Variants in WNT8A observed in about 807,000 individuals in gnomAD.
WNT8A encodes Wnt family member 8A.
A neutral mutation model predicts 20.5 loss-of-function variants in WNT8A; 14 were observed. That is an observed-to-expected ratio of 0.68 (90% CI 0.45 to 1.07). The LOEUF (loss-of-function observed/expected upper bound fraction) is 1.07, where lower values mean the gene tolerates loss of function less well. Among genes scored for constraint, WNT8A ranks in the 50% least tolerant of loss-of-function variants. The probability of loss-of-function intolerance (pLI) is 0.00; values close to 1 mark genes in which losing one functional copy is unlikely to be tolerated. For synonymous variants in WNT8A, 167 were observed against 169.2 expected, an observed-to-expected ratio of 0.99 and a Z score of 0.10; for missense variants, 397 against 462.9, an observed-to-expected ratio of 0.86 and a Z score of 1.31.
rs745963057 is a variant in WNT8A, at chr5:138,090,876, C to T, written c.913C>T (p.Arg305Ter). 3.1e-6 allele frequency: 5 copies of T among 1,614,134 alleles called. No homozygotes were observed. Among genetic ancestry groups the T allele is most frequent in the South Asian group, 1.1e-5 (1 of 91,076 alleles). ...QNSHNTSRWE[R>*]RSCGRLCTEC... ...CAGCCACAACACATCCAGGTGGGAG[C>T]GACGTAGCTGTGGGCGCCTGTGCAC... The change falls in exon 5 of 5, where the codon CGA becomes TGA. Residue 305 changes from arginine (R) to a stop codon, truncating the protein, a stop_gained. Coordinates refer to ENST00000506684, the MANE Select transcript of WNT8A (RefSeq NM_001300939.2). LOFTEE classifies it low-confidence loss of function (END_TRUNC).
chr5:138,082,212 A>C (rs904142153), upstream of WNT8A, among the ~76,000 whole-genome samples: 3 of 152,232 alleles, frequency 2.0e-5, no homozygotes, highest in Non-Finnish European at 4.4e-5. Context: ...AATGGTGCCC[A>C]CTAGGGGTCA....
intron 3 of WNT8A, among the ~76,000 whole-genome samples, chr5:138,088,724 G>C (rs903908442): frequency 6.6e-6 from 1 of 152,210 alleles, no homozygotes; most frequent in African/African-American, 2.4e-5. Flanking sequence ...GGGTATAGAA[G>C]ACTAATTGCT....
intron 1 of WNT8A, 49 bp downstream of exon 1, chr5:138,084,332 G>A: frequency 6.2e-7 from 1 of 1,603,422 alleles, no homozygotes; most frequent in Non-Finnish European, 8.5e-7. Context: ...GCCCTAAGGG[G>A]ACTCTTCTGG....
At chr5:138,091,595 C>G (rs1581365132), downstream of WNT8A, 1 of 936,572 alleles carries the variant, frequency 1.1e-6, no homozygotes, top group East Asian at 6.2e-5. Context: ...GATTTTTTAT[C>G]CCCCAAGTAT....
chr5:138,086,503 A>C (rs1750667028), intron 2 of WNT8A, among the ~76,000 whole-genome samples: 2 of 151,940 alleles, frequency 1.3e-5, no homozygotes, highest in South Asian at 4.2e-4. Context: ...CATTGGCCTC[A>C]TCATTCTATC....
In WNT8A at chr5:138,090,979, C is replaced by G. The variant is rs7701579; in HGVS notation, c.1016C>G (p.Thr339Arg). ...AACTGCAAATTCCAGTGGTGCTGTA[C>G]GGTCAAGTGTGACCAGTGTAGGCAT... Reference protein sequence around the residue: ...SCNCKFQWCCTVKCDQCRHVV... With the variant: ...SCNCKFQWCCRVKCDQCRHVV... The change falls in exon 5 of 5, where the codon ACG becomes AGG. Residue 339 changes from threonine to arginine, a missense_variant. Thr to Arg is a moderately conservative substitution (Grantham distance 71). Transcript: ENST00000506684. 3 of 1,614,168 alleles carry G rather than the reference C, an allele frequency of 1.9e-6. No homozygotes were observed. Among genetic ancestry groups the G allele is most frequent in the Admixed American group, 3.3e-5 (2 of 60,014 alleles).
upstream of WNT8A, chr5:138,083,773 C>T (rs900894488): frequency 3.9e-6 from 1 of 257,412 alleles, no homozygotes; most frequent in East Asian, 7.8e-5. Flanking sequence ...CAGGAAGAGA[C>T]AAAATTGACA....
intron 2 of WNT8A, 73 bp downstream of exon 2, chr5:138,084,709 T>G: frequency 1.3e-6 from 2 of 1,502,058 alleles, no homozygotes; most frequent in Non-Finnish European, 1.8e-6. Flanking sequence ...TATGTGTATA[T>G]GTGTGACATG....
At chr5:138,089,705 A>G (rs973425700) in intron 4 of WNT8A, among the ~76,000 whole-genome samples, 6 of 152,208 alleles carry the variant, frequency 3.9e-5, no homozygotes, top group Admixed American at 1.3e-4. Context: ...TCTGTCTCCC[A>G]GGCTGAAGTG....
the WNT8A span, among the ~76,000 whole-genome samples, chr5:138,078,187 C>T: frequency 3.3e-5 from 5 of 152,072 alleles, no homozygotes; most frequent in African/African-American, 1.2e-4. Flanking sequence ...GTCAAGTATC[C>T]TCAGGGGGTG....
the WNT8A span, among the ~76,000 whole-genome samples, chr5:138,078,606 C>G: frequency 6.6e-6 from 1 of 152,158 alleles, no homozygotes. Flanking sequence ...CAAAACCCTC[C>G]TGGCCTTAAC....
upstream of WNT8A, among the ~76,000 whole-genome samples, chr5:138,082,233 C>T (rs764983435): frequency 5.3e-5 from 8 of 152,188 alleles, no homozygotes; most frequent in African/African-American, 7.2e-5. Context: ...CAGGGTCTTT[C>T]GTTTGTTCAT....
At chr5:138,081,842 A>C (rs2151142848), upstream of WNT8A, among the ~76,000 whole-genome samples, 1 of 152,316 alleles carries the variant, frequency 6.6e-6, no homozygotes, top group South Asian at 2.1e-4. Context: ...ATTGCTATAA[A>C]AATTTCTAAA....
At chr5:138,090,051 C>T (rs1750795249) in intron 4 of WNT8A, among the ~76,000 whole-genome samples, 1 of 152,226 alleles carries the variant, frequency 6.6e-6, no homozygotes, top group African/African-American at 2.4e-5. Flanking sequence ...CCTCCCCTCT[C>T]AGAGAAGACC....
At chr5:138,084,997 C>T (rs909554454) in intron 2 of WNT8A, among the ~76,000 whole-genome samples, 21 of 151,878 alleles carry the variant, frequency 1.4e-4, no homozygotes, top group Admixed American at 7.9e-4. Context: ...AGTGCAATGG[C>T]GCAATCTCGG....
At chr5:138,085,020 T>G (rs949889024) in intron 2 of WNT8A, among the ~76,000 whole-genome samples, 7 of 152,198 alleles carry the variant, frequency 4.6e-5, no homozygotes, top group African/African-American at 1.4e-4. Flanking sequence ...TACCGCAACT[T>G]CCGCCTCCGG....
At chr5:138,083,241 A>T (rs1285134996), upstream of WNT8A, among the ~76,000 whole-genome samples, 1 of 149,818 alleles carries the variant, frequency 6.7e-6, no homozygotes, top group Admixed American at 6.7e-5. Flanking sequence ...AGATTGCACC[A>T]CTGCACTCCA....
downstream of WNT8A, chr5:138,091,559 G>T (rs1581365101): frequency 1.6e-6 from 2 of 1,237,440 alleles, no homozygotes; most frequent in East Asian, 1.1e-4. Flanking sequence ...CCACATATCT[G>T]CCTACTGGAA....
In WNT8A at chr5:138,085,853, CA is replaced by C. The variant is rs11377173; in HGVS notation, c.295+1239del. Among the ~76,000 whole-genome samples the C allele has an allele frequency of 2.1e-3, 160 of 74,920 alleles. 1 individual carries two copies. In the Middle Eastern group the frequency reaches 0.025, roughly 12 times the overall value. The allele number at this position is 74,920 out of a possible 152,430, so 49.2% of individuals were successfully genotyped here. ...TGGGTGACAGAGCAAGACCTTGTCT[CA>C]AAAAAAAAAAAAAAAAAAAAAGATG... is the stretch of plus-strand genomic sequence containing the variant. On this transcript the variant is annotated intron_variant, in intron 2 of 4. Transcript: ENST00000506684.
Sources: gnomAD v4.1 joint callset for allele counts (sites outside exome capture counted in the v4.1 genomes callset) on GRCh38, gnomAD v4.1.1 for gene constraint, MANE v1.5 for transcripts, NCBI Gene and HGNC (gene_info 2026-07-23, HGNC 2026-07-21) for gene names.